NDUFS4: variants seen among roughly 807,000 people sequenced by gnomAD.
NDUFS4 encodes the protein NADH dehydrogenase [ubiquinone] iron-sulfur protein 4, mitochondrial.
Under a neutral mutation model 24.3 loss-of-function variants are expected in NDUFS4, and 28 were observed. The observed-to-expected ratio is 1.15, with a 90% confidence interval of 0.85 to 1.58. The LOEUF (loss-of-function observed/expected upper bound fraction) is 1.58, where lower values mean the gene tolerates loss of function less well. NDUFS4 is among the 40% of genes most tolerant of loss of function. The pLI is 0.00. For missense variants in NDUFS4, 223 were observed against 207.9 expected (o/e 1.07, Z -0.45); for synonymous variants, 93 against 69.7 (o/e 1.34, Z -1.67).
chr5:53,572,531 T>C (rs1032426520), intron 1 of NDUFS4, among the ~76,000 whole-genome samples: 1 of 152,208 alleles, frequency 6.6e-6, no homozygotes, highest in Non-Finnish European at 1.5e-5. Context: ...AGTAAAAGTT[T>C]TAAATTTTGA....
intron 1 of NDUFS4, among the ~76,000 whole-genome samples, chr5:53,595,429 T>G (rs561242815): frequency 6.6e-6 from 1 of 152,318 alleles, no homozygotes; most frequent in South Asian, 2.1e-4. Flanking sequence ...AGTAGACGTA[T>G]TCTTCTGTGG....
chr5:53,663,168 G>A (rs1752397887), intron 4 of NDUFS4, among the ~76,000 whole-genome samples: 1 of 152,104 alleles, frequency 6.6e-6, no homozygotes, highest in Non-Finnish European at 1.5e-5. Flanking sequence ...TAGTTTGATT[G>A]CACTGTGGTC....
chr5:53,627,587 G>A (rs1751269455), intron 2 of NDUFS4, among the ~76,000 whole-genome samples: 1 of 152,044 alleles, frequency 6.6e-6, no homozygotes, highest in Non-Finnish European at 1.5e-5. Context: ...TCCTTGAAGA[G>A]GTCCTTCACA....
At chr5:53,585,839 A>G (rs1270000641) in intron 1 of NDUFS4, among the ~76,000 whole-genome samples, 1 of 150,366 alleles carries the variant, frequency 6.7e-6, no homozygotes, top group Non-Finnish European at 1.5e-5. Context: ...TTGTGCTTTT[A>G]TGCATATGTT....
intron 2 of NDUFS4, among the ~76,000 whole-genome samples, chr5:53,615,100 A>G (rs1307554891): frequency 1.3e-5 from 2 of 150,564 alleles, no homozygotes; most frequent in Admixed American, 6.6e-5. Flanking sequence ...TTTATTTTAC[A>G]CTCTATTTGA....
At chr5:53,580,186 A>T (rs1749515331) in intron 1 of NDUFS4, among the ~76,000 whole-genome samples, 1 of 152,216 alleles carries the variant, frequency 6.6e-6, no homozygotes, top group Admixed American at 6.5e-5. Flanking sequence ...CCTAAATGTA[A>T]ATGATTTATT....
chr5:53,667,560 C>T (rs925093426), intron 4 of NDUFS4, among the ~76,000 whole-genome samples: 1 of 151,990 alleles, frequency 6.6e-6, no homozygotes, highest in Non-Finnish European at 1.5e-5. Context: ...TCTGACTTGC[C>T]CCTCTTGGGT....
At chr5:53,618,206 T>C (rs375918880) in intron 2 of NDUFS4, among the ~76,000 whole-genome samples, 136 of 152,204 alleles carry the variant, frequency 8.9e-4, no homozygotes, top group African/African-American at 3.2e-3. Flanking sequence ...ACTCAGGAGA[T>C]TGAGGTTGCA....
intron 1 of NDUFS4, among the ~76,000 whole-genome samples, chr5:53,582,432 TA>T (rs1285388584): frequency 6.6e-6 from 1 of 151,950 alleles, no homozygotes; most frequent in Non-Finnish European, 1.5e-5. Flanking sequence ...CACTCAAACA[TA>T]CCCACACTCA....
At chr5:53,614,268 T>A (rs1358753925) in intron 2 of NDUFS4, among the ~76,000 whole-genome samples, 1 of 151,954 alleles carries the variant, frequency 6.6e-6, no homozygotes, top group Non-Finnish European at 1.5e-5. Context: ...TTAAAATATA[T>A]GCTTATTGAA....
At chr5:53,600,087 C>G (rs1224442293) in intron 1 of NDUFS4, among the ~76,000 whole-genome samples, 1 of 151,894 alleles carries the variant, frequency 6.6e-6, no homozygotes, top group East Asian at 1.9e-4. Flanking sequence ...GCAGCCTCCA[C>G]CTCCCGGGTT....
chr5:53,637,606 T>G (rs1751595114), intron 2 of NDUFS4, among the ~76,000 whole-genome samples: 1 of 152,134 alleles, frequency 6.6e-6, no homozygotes, highest in Non-Finnish European at 1.5e-5. Flanking sequence ...GTAAGCTGTA[T>G]AGATAGCTTA....
intron 1 of NDUFS4, among the ~76,000 whole-genome samples, chr5:53,563,723 A>G (rs1178613316): frequency 6.6e-6 from 1 of 152,046 alleles, no homozygotes; most frequent in African/African-American, 2.4e-5. Context: ...GCTGGTCTCA[A>G]ACTCCTACCC....
At chr5:53,673,805 G>A (rs748668374) in intron 4 of NDUFS4, among the ~76,000 whole-genome samples, 1 of 152,028 alleles carries the variant, frequency 6.6e-6, no homozygotes, top group South Asian at 2.1e-4. Context: ...ATGGTTACAC[G>A]TCAGCATTTT....
intron 1 of NDUFS4, among the ~76,000 whole-genome samples, chr5:53,571,799 T>C (rs1464409404): frequency 2.0e-5 from 3 of 152,352 alleles, no homozygotes; most frequent in Non-Finnish European, 2.9e-5. Flanking sequence ...GGTTTTAATA[T>C]GCATTTCTCT....
intron 1 of NDUFS4, among the ~76,000 whole-genome samples, chr5:53,581,050 C>G (rs947555181): frequency 1.3e-5 from 2 of 152,100 alleles, no homozygotes; most frequent in Non-Finnish European, 2.9e-5. Context: ...TCTGGCTGGT[C>G]TTGAGCTCCC....
chr5:53,652,374 TTAATTTTACAG>T (rs775786528), intron 3 of NDUFS4, among the ~76,000 whole-genome samples: 4 of 152,178 alleles, frequency 2.6e-5, no homozygotes, highest in Admixed American at 6.5e-5. Context: ...CAGTAATTTT[TTAATTTTACAG>T]TAATTTTACA....
At chr5:53,678,661 C>G (rs1438451396) in intron 4 of NDUFS4, among the ~76,000 whole-genome samples, 1 of 151,868 alleles carries the variant, frequency 6.6e-6, no homozygotes, top group African/African-American at 2.4e-5. Context: ...TGGGCTCTTT[C>G]TTTTAAAAAA....
At chr5:53,638,002 T>C (rs2112497637) in intron 2 of NDUFS4, among the ~76,000 whole-genome samples, 1 of 152,264 alleles carries the variant, frequency 6.6e-6, no homozygotes, top group South Asian at 2.1e-4. Context: ...AAAAGTCTGA[T>C]GAGCGTTCAT....
Sources: allele counts gnomAD v4.1 joint callset (sites outside exome capture counted in the v4.1 genomes callset), GRCh38; gene constraint gnomAD v4.1.1; transcripts MANE v1.5; gene names NCBI Gene and HGNC (gene_info 2026-07-23, HGNC 2026-07-21).